HCN4: variants seen among roughly 807,000 people sequenced by gnomAD.
HCN4 encodes hyperpolarization activated cyclic nucleotide gated potassium channel 4, also known as potassium/sodium hyperpolarization-activated cyclic nucleotide-gated channel 4.
HCN4 carries 29 observed loss-of-function variants against 76.9 expected under a neutral mutation model. The ratio of observed to expected loss-of-function variants is 0.38; its 90% CI spans 0.28 to 0.51. The LOEUF (loss-of-function observed/expected upper bound fraction) is 0.51. HCN4 is among the 20% of genes least tolerant of loss of function. HCN4 has a pLI of 0.90. For missense variants in HCN4, 1,416 were observed against 1,715.2 expected (o/e 0.83, Z 3.08); for synonymous variants, 772 against 762.5 (o/e 1.01, Z -0.21).
chr15:73,329,897 GC>G (rs2042922812), intron 3 of HCN4, 106 bp from the exon 4 acceptor site: 2 of 932,802 alleles, frequency 2.1e-6, no homozygotes, highest in South Asian at 2.9e-5. Context: ...TTTCTCAGTG[GC>G]TGGGCCCAGG....
rs555938897 is a variant in HCN4 at position 73,325,887 on chromosome 15, T to G, written c.1591-443A>C. Reference sequence around the variant, plus strand: ...GCACAGTCAGGAGGCAAGGGTGCGATGGATCAGAACGCTCAGAGGCAGAAG... The same window carrying G: ...GCACAGTCAGGAGGCAAGGGTGCGAGGGATCAGAACGCTCAGAGGCAGAAG... On this transcript the variant is annotated intron_variant, in intron 4 of 7. Coordinates refer to ENST00000261917, the MANE Select transcript of HCN4 (RefSeq NM_005477.3). The surrounding 1 kb of genome is among the most constrained non-coding windows in gnomAD (Gnocchi z 7.4). Among the ~76,000 whole-genome samples the G allele has an allele frequency of 1.0e-3, 158 of 152,284 alleles. No individual in the cohort carries two copies. Among genetic ancestry groups the G allele is most frequent in the Non-Finnish European group, 1.7e-3 (117 of 68,012 alleles).
In HCN4 at chr15:73,319,907, C is replaced by T. The variant is rs1440271967; in HGVS notation, c.*2574G>A. 1 of 152,162 alleles carries T rather than the reference C, an allele frequency of 6.6e-6. No homozygotes were observed. The highest frequency in any genetic ancestry group is 1.9e-4 in the East Asian group (1 of 5,196). 9.4% of individuals were successfully genotyped at this position (152,162 alleles called of 1,614,324 possible). On this transcript the variant is annotated 3_prime_UTR_variant, in exon 8 of 8. Coordinates refer to ENST00000261917, the MANE Select transcript of HCN4 (RefSeq NM_005477.3). ...TAAAATATACAATACGGCGCATTTA[C>T]CGGTTTCTGTTTTAAAAGTGGATTT...
In HCN4 at chr15:73,321,444, C is replaced by CAA. The variant is rs2042856929; in HGVS notation, c.*1035_*1036dup. ...TCTTCCTCTGCTAAATGGGGAGAAT[C>CAA]AAAGTACCCACCCCATGGTCTTTGT... is the stretch of plus-strand genomic sequence containing the variant. On this transcript the variant is annotated 3_prime_UTR_variant, in exon 8 of 8. Coordinates refer to ENST00000261917, the MANE Select transcript of HCN4 (RefSeq NM_005477.3). 6.6e-6 allele frequency: 1 copy of CAA among 152,312 alleles called. No individual in the cohort carries two copies. The highest frequency in any genetic ancestry group is 2.4e-5 in the African/African-American group (1 of 41,442). The allele number at this position is 152,312 out of a possible 1,614,324, so 9.4% of individuals were successfully genotyped here. A position where few individuals can be genotyped will look rare whatever the true frequency, so the allele number is the denominator to read the frequency against.
chr15:73,332,369 A>C, intron 2 of HCN4, 77 bp from the exon 3 acceptor site: 1 of 1,459,504 alleles, frequency 6.9e-7, no homozygotes, highest in Non-Finnish European at 9.6e-7. Flanking sequence ...CCTGCCCTGG[A>C]GCTGCTGGTG....
chr15:73,367,511 T>C lies in HCN4; in HGVS notation c.760A>G (p.Ile254Val). 6.2e-7 allele frequency: 1 copy of C among 1,613,834 alleles called. No individual in the cohort carries two copies. The highest frequency in any genetic ancestry group is 8.5e-7 in the Non-Finnish European group (1 of 1,179,976). The change falls in exon 1 of 8, where the codon ATT (isoleucine) becomes GTT (valine). Residue 254 changes from isoleucine to valine, a missense_variant. Around this residue, in one of 6 missense-constraint regions of HCN4, gnomAD observed 52 missense variants for 129.1 expected, o/e 0.40. Coordinates refer to ENST00000261917, the MANE Select transcript of HCN4 (RefSeq NM_005477.3). This position sits in a 1 kb window ranked among gnomAD's most constrained non-coding sequence, Gnocchi z 7.5. The stretch of plus-strand genomic sequence containing the variant: ...CTGAAGTCACTGTAGGGGTGGATAA[T>C]CCAAAATCCGGCCGACTTGACCCTC... ...QERVKSAGFW[I>V]IHPYSDFRFY...
intron 1 of HCN4, among the ~76,000 whole-genome samples, chr15:73,364,236 C>T (rs931360219): frequency 2.0e-5 from 3 of 152,052 alleles, no homozygotes; most frequent in African/African-American, 4.8e-5. Context: ...CCAGAACTGA[C>T]GTTCCACACA....
At chr15:73,341,431 C>T (rs951396029) in intron 2 of HCN4, among the ~76,000 whole-genome samples, 7 of 152,158 alleles carry the variant, frequency 4.6e-5, no homozygotes, top group South Asian at 2.1e-4. Flanking sequence ...CGTGAGCCAC[C>T]GCGCCCGGCC....
chr15:73,326,915 C>T (rs1475009906), intron 4 of HCN4, among the ~76,000 whole-genome samples: 2 of 151,388 alleles, frequency 1.3e-5, no homozygotes, highest in Non-Finnish European at 2.9e-5. Flanking sequence ...GCCTCCTAAA[C>T]AGCTGGCACT....
intron 1 of HCN4, among the ~76,000 whole-genome samples, chr15:73,348,249 G>C (rs2043037617): frequency 6.6e-6 from 1 of 152,216 alleles, no homozygotes; most frequent in Non-Finnish European, 1.5e-5. Context: ...TGGGAAGGGT[G>C]ACAGAATGAA....
intron 1 of HCN4, among the ~76,000 whole-genome samples, chr15:73,348,295 T>TA (rs1183028611): frequency 6.6e-6 from 1 of 152,198 alleles, no homozygotes; most frequent in Non-Finnish European, 1.5e-5. Context: ...AGGGATGACC[T>TA]CCTTCAGCCT....
intron 1 of HCN4, among the ~76,000 whole-genome samples, chr15:73,354,793 T>G (rs1440589467): frequency 2.0e-5 from 3 of 152,186 alleles, no homozygotes; most frequent in Non-Finnish European, 4.4e-5. Context: ...ATCATCATCA[T>G]CATCATCATT....
In HCN4 at chr15:73,324,211, C is replaced by T; in HGVS notation, c.2021G>A (p.Arg674Lys). The T allele has an allele frequency of 1.9e-6, 3 of 1,614,090 alleles. No homozygotes were observed. The highest frequency in any genetic ancestry group is 2.5e-6 in the Non-Finnish European group (3 of 1,179,974). The change falls in exon 7 of 8, where the codon AGG becomes AAG. Residue 674 changes from arginine (R) to lysine (K), a missense_variant. By Grantham distance (26) the Arg-to-Lys change is conservative. Around this residue, in one of 6 missense-constraint regions of HCN4, gnomAD observed 241 missense variants for 379.4 expected, o/e 0.64. Transcript: ENST00000261917. ...LTRGRRTASVRADTYCRLYSL... is the reference protein window; with the variant it reads ...LTRGRRTASVKADTYCRLYSL... ...GTAGAGGCGGCAGTAGGTGTCGGCC[C>T]TCACGCTGGCTGTGCGCCGGCCCCG...
In HCN4 at chr15:73,328,687, A is replaced by C. The variant is rs905233552; in HGVS notation, c.1590+886T>G. Among the ~76,000 whole-genome samples the C allele has an allele frequency of 6.6e-6, 1 of 152,040 alleles. No homozygotes were observed. Among genetic ancestry groups the C allele is most frequent in the African/African-American group, 2.4e-5 (1 of 41,408 alleles). On this transcript the variant is annotated intron_variant, in intron 4 of 7. Transcript: ENST00000261917. This position sits in a 1 kb window ranked among gnomAD's most constrained non-coding sequence, Gnocchi z 4.0. The stretch of plus-strand genomic sequence containing the variant: ...GCTCAAACAGAGCTCGGCAGCAGAG[A>C]AGCTGGGGTAGGGCCCAGGTGGCCT...
chr15:73,325,538 A>C lies in HCN4; in HGVS notation c.1591-94T>G. ...CGGCAGGCACCACATCCGGGCACCC[A>C]CCCCGGGGGATTTCCTGGCTAAACT... is the stretch of plus-strand genomic sequence containing the variant. On this transcript the variant is annotated intron_variant, in intron 4 of 7. Coordinates refer to ENST00000261917, the MANE Select transcript of HCN4 (RefSeq NM_005477.3). The surrounding 1 kb of genome is among the most constrained non-coding windows in gnomAD (Gnocchi z 7.4). The C allele has an allele frequency of 7.9e-7, 1 of 1,273,446 alleles. No individual in the cohort carries two copies. Among genetic ancestry groups the C allele is most frequent in the Non-Finnish European group, 1.1e-6 (1 of 871,058 alleles). The allele number at this position is 1,273,446 out of a possible 1,614,324, so 78.9% of individuals were successfully genotyped here. A position where few individuals can be genotyped will look rare whatever the true frequency, so the allele number is the denominator to read the frequency against.
rs765986414 is a variant in HCN4, at chr15:73,323,297, G to A, written c.2796C>T (p.Gly932=). ...DSPLLTPLQP[G]ARSPQAAQPS... is the part of the protein sequence containing the mutation. ...GCTGGGCAGCCTGCGGGGAGCGGGC[G>A]CCTGGCTGCAGCGGGGTGAGCAGGG... Residue 932 remains glycine (G), a synonymous_variant, in exon 8 of 8, where the codon GGC becomes GGT. Transcript: ENST00000261917. 40 of 1,542,214 alleles carry A rather than the reference G, an allele frequency of 2.6e-5. No individual in the cohort carries two copies. Among genetic ancestry groups the A allele is most frequent in the Admixed American group, 7.9e-5 (4 of 50,386 alleles).
At chr15:73,356,117 G>A (rs374225291) in intron 1 of HCN4, among the ~76,000 whole-genome samples, 9 of 152,272 alleles carry the variant, frequency 5.9e-5, no homozygotes, top group East Asian at 1.9e-4. Flanking sequence ...TGCCAGCAGC[G>A]GGAGGAAACA....
At chr15:73,357,778 G>A (rs1189957657) in intron 1 of HCN4, among the ~76,000 whole-genome samples, 1 of 152,006 alleles carries the variant, frequency 6.6e-6, no homozygotes, top group African/African-American at 2.4e-5. Flanking sequence ...CCAGGACAAG[G>A]GCCGACAAAG....
At position 73,322,690 on chromosome 15, in the gene HCN4, G is replaced by A. The variant is rs750094370; in HGVS notation, c.3403C>T (p.Leu1135Phe). 6.3e-7 allele frequency: 1 copy of A among 1,582,648 alleles called. No homozygotes were observed. Among genetic ancestry groups the A allele is most frequent in the East Asian group, 2.3e-5 (1 of 43,394 alleles). Residue 1135 changes from leucine (L) to phenylalanine (F), a missense_variant, in exon 8 of 8, where the codon CTC (leucine) becomes TTC (phenylalanine). By Grantham distance (22) the Leu-to-Phe change is conservative (BLOSUM62 0). Transcript: ENST00000261917. ...CCATAGGGCCTCCCAGGGGGACCGA[G>A]GCCCCCGCTGCTCCCACTGCCCCCG... is the stretch of plus-strand genomic sequence containing the variant. ...GSGGSGSSGGLGPPGRPYGAI... is the reference protein window; with the variant it reads ...GSGGSGSSGGFGPPGRPYGAI...
intron 1 of HCN4, among the ~76,000 whole-genome samples, chr15:73,362,116 A>T (rs2043107481): frequency 6.6e-6 from 1 of 152,232 alleles, no homozygotes; most frequent in African/African-American, 2.4e-5. Context: ...AAAAGCCAGC[A>T]TGCGGGACCA....
Sources: gnomAD v4.1 joint callset for allele counts (sites outside exome capture counted in the v4.1 genomes callset) on GRCh38, gnomAD v4.1.1 for gene constraint, gnomAD v4.1.1 regional missense constraint, Gnocchi (gnomAD v3.1) non-coding constraint, MANE v1.5 for transcripts, NCBI Gene and HGNC (gene_info 2026-07-23, HGNC 2026-07-21) for gene names.